Variants in NFE2L1 observed in about 807,000 individuals in gnomAD.
NFE2L1 encodes the protein NFE2 like bZIP transcription factor 1.
NFE2L1 carries 18 observed loss-of-function variants against 61.6 expected under a neutral mutation model. The observed-to-expected ratio is 0.29, with a 90% confidence interval of 0.20 to 0.43. The LOEUF (loss-of-function observed/expected upper bound fraction) is 0.43. Ranked by LOEUF, NFE2L1 falls within the 20% of genes least tolerant of loss-of-function variation. The probability of loss-of-function intolerance (pLI) is 1.00; values close to 1 mark genes in which losing one functional copy is unlikely to be tolerated. For missense variants in NFE2L1, 827 were observed against 973.5 expected (o/e 0.85, Z 2.00); for synonymous variants, 419 against 402.7 (o/e 1.04, Z -0.48).
At chr17:48,054,469 C>G in intron 2 of NFE2L1, 21 of 498,788 alleles carry the variant, frequency 4.2e-5, no homozygotes, top group South Asian at 1.0e-4. Context: ...CCAGCGGAGA[C>G]TTGGGGGAGG....
chr17:48,058,980 G>C lies in NFE2L1; in HGVS notation c.1658G>C (p.Arg553Pro). 3 of 1,613,978 alleles carry C rather than the reference G, an allele frequency of 1.9e-6. No individual in the cohort carries two copies. The highest frequency in any genetic ancestry group is 2.5e-6 in the Non-Finnish European group (3 of 1,180,026). Residue 553 changes from arginine (R) to proline (P), a missense_variant, in exon 6 of 6, where the codon CGC (arginine) becomes CCC (proline). This residue lies in a region of NFE2L1 where 667 missense variants were observed against 748.4 expected (regional missense o/e 0.89). Transcript: ENST00000362042. ...CAGCCTGAGTATTCCAAGTTCTGCC[G>C]CATGAGCTACCAGGATCCAGCTCAG... ...GYQPEYSKFCRMSYQDPAQLS... is the reference protein window; with the variant it reads ...GYQPEYSKFCPMSYQDPAQLS...
intron 5 of NFE2L1, 34 bp from the exon 6 acceptor site, chr17:48,058,261 C>G: frequency 6.5e-7 from 1 of 1,529,648 alleles, no homozygotes; most frequent in South Asian, 1.3e-5. Context: ...GGAGTCAGTT[C>G]CTAGTGAACA....
In NFE2L1 at chr17:48,051,123, T is replaced by C; in HGVS notation, c.5T>C (p.Leu2Pro). The C allele has an allele frequency of 6.2e-7, 1 of 1,614,210 alleles. No individual in the cohort carries two copies. Among genetic ancestry groups the C allele is most frequent in the East Asian group, 2.2e-5 (1 of 44,884 alleles). Residue 2 changes from leucine to proline, a missense_variant, in exon 2 of 6, where the codon CTT becomes CCT. Leu to Pro is a moderately conservative substitution (Grantham distance 98). Coordinates refer to ENST00000362042, the MANE Select transcript of NFE2L1 (RefSeq NM_003204.3). ...AAACATTCTGGTCCTTCAGCAATGC[T>C]TTCTCTGAAGAAATACTTAACGGAA... is the stretch of plus-strand genomic sequence containing the variant. M[L>P]SLKKYLTEGL...
chr17:48,054,997 C>T, intron 2 of NFE2L1: 1 of 1,508,984 alleles, frequency 6.6e-7, no homozygotes, highest in Non-Finnish European at 8.8e-7. Flanking sequence ...CACCGGCTGC[C>T]CTGGGGCTCA....
At position 48,050,959 on chromosome 17, in the gene NFE2L1, G is replaced by GGCC. The variant is rs2037233439; in HGVS notation, c.-158_-156dup. The GGCC allele has an allele frequency of 1.2e-6, 1 of 800,596 alleles. No individual in the cohort carries two copies. Among genetic ancestry groups the GGCC allele is most frequent in the Admixed American group, 2.3e-5 (1 of 43,214 alleles). 49.6% of individuals were successfully genotyped at this position (800,596 alleles called of 1,614,324 possible). ...CTCCACAGGGTGTGCTTTCCTCTGG[G>GGCC]GCCGTCAGGGAGCTCATCCCTTGTG... is the stretch of plus-strand genomic sequence containing the variant. On this transcript the variant is annotated 5_prime_UTR_variant, in exon 2 of 6. Transcript: ENST00000362042.
At chr17:48,049,860 T>C (rs778959985) in intron 1 of NFE2L1, among the ~76,000 whole-genome samples, 13 of 152,194 alleles carry the variant, frequency 8.5e-5, no homozygotes, top group Non-Finnish European at 1.8e-4. Flanking sequence ...AAGACAACTG[T>C]TATGGGTGGT....
chr17:48,051,123 T>G lies in NFE2L1; in HGVS notation c.5T>G (p.Leu2Arg). The G allele has an allele frequency of 6.2e-7, 1 of 1,614,210 alleles. No individual in the cohort carries two copies. The highest frequency in any genetic ancestry group is 2.2e-5 in the East Asian group (1 of 44,884). MLSLKKYLTEGL... is the reference protein window; with the variant it reads MRSLKKYLTEGL... ...AAACATTCTGGTCCTTCAGCAATGCTTTCTCTGAAGAAATACTTAACGGAA... is the reference window on the plus strand; with the variant it reads ...AAACATTCTGGTCCTTCAGCAATGCGTTCTCTGAAGAAATACTTAACGGAA... The change falls in exon 2 of 6, where the codon CTT (leucine) becomes CGT (arginine). Residue 2 changes from leucine to arginine, a missense_variant. This residue lies in a region of NFE2L1 where 667 missense variants were observed against 748.4 expected (regional missense o/e 0.89). Transcript: ENST00000362042.
At chr17:48,055,794 G>T (rs192902616) in intron 2 of NFE2L1, among the ~76,000 whole-genome samples, 120 of 152,228 alleles carry the variant, frequency 7.9e-4, no homozygotes, top group Middle Eastern at 3.4e-3. Context: ...CTGCCAGCTG[G>T]GGAATGGGGA....
rs916002092 is a variant in NFE2L1 at position 48,050,904 on chromosome 17, A to G, written c.-215A>G. 21 of 611,282 alleles carry G rather than the reference A, an allele frequency of 3.4e-5. No homozygotes were observed. In the Admixed American group the frequency reaches 5.8e-4, roughly 17 times the overall value. 37.9% of individuals were successfully genotyped at this position (611,282 alleles called of 1,614,324 possible). ...GTGAGGTGTCGAGAAGGGAAAGTGA[A>G]TGTGGTCTGGAGTGTGTCCTTGGCC... On this transcript the variant is annotated 5_prime_UTR_variant, in exon 2 of 6. It removes an upstream start codon present in the reference 5' UTR. Coordinates refer to ENST00000362042, the MANE Select transcript of NFE2L1 (RefSeq NM_003204.3).
chr17:48,059,872 C>G lies in NFE2L1; in HGVS notation c.*231C>G. On this transcript the variant is annotated 3_prime_UTR_variant, in exon 6 of 6. Transcript: ENST00000362042. This position sits in a 1 kb window ranked among gnomAD's most constrained non-coding sequence, Gnocchi z 6.1. ...CCATTTAGACGGACAGGGTCCTCAC[C>G]CTACCCCTTTCCTGTGAGGCAGGGG... The G allele has an allele frequency of 1.8e-6, 1 of 556,230 alleles. No homozygotes were observed. Among genetic ancestry groups the G allele is most frequent in the East Asian group, 3.0e-5 (1 of 33,194 alleles). 34.5% of individuals were successfully genotyped at this position (556,230 alleles called of 1,614,324 possible).
chr17:48,055,299 C>T, intron 2 of NFE2L1: 1 of 976,068 alleles, frequency 1.0e-6, no homozygotes, highest in Non-Finnish European at 1.3e-6. Context: ...TGCATTTTAA[C>T]CCCTGGATGG....
chr17:48,056,175 T>A (rs2037395528), intron 2 of NFE2L1: 2 of 640,526 alleles, frequency 3.1e-6, no homozygotes, highest in African/African-American at 3.6e-5. Flanking sequence ...TGCTAGTGGC[T>A]CTTTTTTTTT....
In NFE2L1 at chr17:48,059,478, A is replaced by G; in HGVS notation, c.2156A>G (p.Gln719Arg). ...QMKQKVQSLY[Q>R]EVFGRLRDEN... ...AAGCAGAAGGTCCAGAGCCTGTACC[A>G]GGAGGTGTTTGGGCGGCTGCGAGAT... The change falls in exon 6 of 6, where the codon CAG (glutamine) becomes CGG (arginine). Residue 719 changes from glutamine to arginine, a missense_variant. By Grantham distance (43) the Gln-to-Arg change is conservative. This residue lies in a region of NFE2L1 where 86 missense variants were observed against 97.3 expected (regional missense o/e 0.88). Coordinates refer to ENST00000362042, the MANE Select transcript of NFE2L1 (RefSeq NM_003204.3). The surrounding 1 kb of genome is among the most constrained non-coding windows in gnomAD (Gnocchi z 6.1). 1 of 1,614,102 alleles carries G rather than the reference A, an allele frequency of 6.2e-7. No homozygotes were observed. The highest frequency in any genetic ancestry group is 8.5e-7 in the Non-Finnish European group (1 of 1,179,986).
chr17:48,052,583 G>A (rs1051922614), intron 2 of NFE2L1, among the ~76,000 whole-genome samples: 3 of 152,194 alleles, frequency 2.0e-5, no homozygotes, highest in African/African-American at 7.2e-5. Flanking sequence ...GTCAGACCAC[G>A]TTTTCCCTCC....
chr17:48,054,116 G>C (rs778036279), intron 2 of NFE2L1, among the ~76,000 whole-genome samples: 1 of 152,196 alleles, frequency 6.6e-6, no homozygotes, highest in Non-Finnish European at 1.5e-5. Context: ...CTGCCTTCCT[G>C]AGGAATGGGA....
intron 2 of NFE2L1, chr17:48,054,278 GCTGA>G (rs1440815075): frequency 6.4e-6 from 1 of 155,478 alleles, no homozygotes; most frequent in South Asian, 2.1e-4. Flanking sequence ...CGCCACCCCA[GCTGA>G]CTGACTGGGC....
In NFE2L1 at chr17:48,059,878, C is replaced by T; in HGVS notation, c.*237C>T. On this transcript the variant is annotated 3_prime_UTR_variant, in exon 6 of 6. Transcript: ENST00000362042. This position sits in a 1 kb window ranked among gnomAD's most constrained non-coding sequence, Gnocchi z 6.1. The stretch of plus-strand genomic sequence containing the variant: ...AGACGGACAGGGTCCTCACCCTACC[C>T]CTTTCCTGTGAGGCAGGGGTGGTGG... 2 of 533,870 alleles carry T rather than the reference C, an allele frequency of 3.7e-6. No individual in the cohort carries two copies. Among genetic ancestry groups the T allele is most frequent in the South Asian group, 3.9e-5 (1 of 25,858 alleles). The allele number at this position is 533,870 out of a possible 1,614,324, so 33.1% of individuals were successfully genotyped here. A position where few individuals can be genotyped will look rare whatever the true frequency, so the allele number is the denominator to read the frequency against.
chr17:48,052,629 TCTGA>T (rs1400178651), intron 2 of NFE2L1, among the ~76,000 whole-genome samples: 1 of 152,234 alleles, frequency 6.6e-6, no homozygotes, highest in Non-Finnish European at 1.5e-5. Flanking sequence ...AGCTTAGTTC[TCTGA>T]CTGTTAGTGA....
At position 48,059,512 on chromosome 17, in the gene NFE2L1, A is replaced by G. The variant is rs779014315; in HGVS notation, c.2190A>G (p.Gly730=). The change falls in exon 6 of 6, where the codon GGA becomes GGG. Residue 730 remains glycine (G), a synonymous_variant. Transcript: ENST00000362042. This position sits in a 1 kb window ranked among gnomAD's most constrained non-coding sequence, Gnocchi z 6.1. ...TTGGGCGGCTGCGAGATGAGAACGG[A>G]CGACCCTACTCGCCCAGTCAGTATG... The part of the protein sequence containing the change: ...EVFGRLRDEN[G]RPYSPSQYAL... 29 of 1,614,018 alleles carry G rather than the reference A, an allele frequency of 1.8e-5. No individual in the cohort carries two copies. The highest frequency in any genetic ancestry group is 3.3e-5 in the Admixed American group (2 of 60,016).
Sources: gnomAD v4.1 joint callset for allele counts (sites outside exome capture counted in the v4.1 genomes callset) on GRCh38, gnomAD v4.1.1 for gene constraint, gnomAD v4.1.1 regional missense constraint, Gnocchi (gnomAD v3.1) non-coding constraint, MANE v1.5 for transcripts, NCBI Gene and HGNC (gene_info 2026-07-23, HGNC 2026-07-21) for gene names.